The following ARHGAP26 variants were observed in gnomAD, a reference collection of about 807,000 sequenced individuals.
ARHGAP26 encodes Rho GTPase activating protein 26.
Under a neutral mutation model 104.8 loss-of-function variants are expected in ARHGAP26, and 38 were observed. The observed-to-expected ratio is 0.36, with a 90% confidence interval of 0.28 to 0.48. ARHGAP26 has a LOEUF of 0.48. Ranked by LOEUF, ARHGAP26 falls within the 20% of genes least tolerant of loss-of-function variation. The pLI, the probability that ARHGAP26 is intolerant of heterozygous loss-of-function variation, is 0.99. For missense variants in ARHGAP26, 704 were observed against 947.9 expected, an observed-to-expected ratio of 0.74 and a Z score of 3.38; for synonymous variants, 341 against 340.0, an observed-to-expected ratio of 1.00 and a Z score of -0.03.
chr5:143,170,919 A>G (rs756264893), intron 20 of ARHGAP26, among the ~76,000 whole-genome samples: 1 of 152,190 alleles, frequency 6.6e-6, no homozygotes, highest in Non-Finnish European at 1.5e-5. Context: ...TCGTTCAAGT[A>G]TCAGATGCTG....
intron 12 of ARHGAP26, 73 bp downstream of exon 12, chr5:143,014,189 G>A: frequency 1.9e-6 from 3 of 1,556,800 alleles, no homozygotes; most frequent in African/African-American, 1.4e-5. Flanking sequence ...TACTCCAGGT[G>A]TGAACCACCA....
intron 21 of ARHGAP26, among the ~76,000 whole-genome samples, chr5:143,211,514 C>G (rs776469906): frequency 1.3e-5 from 2 of 151,822 alleles, no homozygotes; most frequent in Non-Finnish European, 1.5e-5. Flanking sequence ...TGTCAGTTGC[C>G]TATCAACTTG....
intron 12 of ARHGAP26, among the ~76,000 whole-genome samples, chr5:143,030,378 T>C (rs1448887440): frequency 6.6e-6 from 1 of 152,234 alleles, no homozygotes; most frequent in South Asian, 2.1e-4. Flanking sequence ...ATGATGATAA[T>C]GCCTTGATGG....
At chr5:142,889,794 C>CA (rs1481872046) in intron 5 of ARHGAP26, among the ~76,000 whole-genome samples, 1 of 151,728 alleles carries the variant, frequency 6.6e-6, no homozygotes, top group Non-Finnish European at 1.5e-5. Flanking sequence ...GAGTGTGTCG[C>CA]AAAATCACAG....
At chr5:142,831,336 A>C (rs1169864502) in intron 1 of ARHGAP26, among the ~76,000 whole-genome samples, 4 of 149,756 alleles carry the variant, frequency 2.7e-5, no homozygotes, top group African/African-American at 9.9e-5. Context: ...ATTTTCTCCC[A>C]CCCCCTGGCC....
At chr5:143,137,593 A>G (rs535707584) in intron 19 of ARHGAP26, among the ~76,000 whole-genome samples, 1 of 152,232 alleles carries the variant, frequency 6.6e-6, no homozygotes, top group South Asian at 2.1e-4. Context: ...CCCTGCGATC[A>G]TTTTCAGAAC....
At chr5:142,901,597 C>T (rs985277238) in intron 6 of ARHGAP26, among the ~76,000 whole-genome samples, 1 of 152,222 alleles carries the variant, frequency 6.6e-6, no homozygotes, top group South Asian at 2.1e-4. Context: ...GTGAGGCCCA[C>T]AGGGCAAGGG....
intron 1 of ARHGAP26, among the ~76,000 whole-genome samples, chr5:142,812,754 T>C (rs994449373): frequency 1.3e-5 from 2 of 151,998 alleles, no homozygotes; most frequent in Admixed American, 6.6e-5. Flanking sequence ...CCCATGTTGG[T>C]CTTAAACTCC....
intron 1 of ARHGAP26, among the ~76,000 whole-genome samples, chr5:142,782,259 C>A (rs1757667606): frequency 6.6e-6 from 1 of 152,152 alleles, no homozygotes; most frequent in African/African-American, 2.4e-5. Context: ...GAGACACCCA[C>A]AAGGCTGTGG....
intron 14 of ARHGAP26, among the ~76,000 whole-genome samples, chr5:143,044,029 G>A (rs1328824387): frequency 1.3e-5 from 2 of 152,178 alleles, no homozygotes; most frequent in African/African-American, 2.4e-5. Context: ...GAATAGCTAA[G>A]GTGGTCTTTT....
chr5:143,078,807 A>G (rs866625678), intron 17 of ARHGAP26, among the ~76,000 whole-genome samples: 1 of 152,248 alleles, frequency 6.6e-6, no homozygotes, highest in Non-Finnish European at 1.5e-5. Flanking sequence ...GGAAAAATCA[A>G]CTTTAGAGAC....
intron 2 of ARHGAP26, among the ~76,000 whole-genome samples, chr5:142,874,121 G>A (rs27958): frequency 0.3 from 45,307 of 151,912 alleles, 7,348 homozygotes; most frequent in South Asian, 0.58. Flanking sequence ...GGAGGTCCCC[G>A]CCACTCCTGT....
intron 11 of ARHGAP26, among the ~76,000 whole-genome samples, chr5:142,995,062 C>G (rs929245783): frequency 2.0e-5 from 3 of 152,138 alleles, no homozygotes; most frequent in Admixed American, 2.0e-4. Context: ...AATAAAAACC[C>G]TAGAAGAAAA....
intron 10 of ARHGAP26, among the ~76,000 whole-genome samples, chr5:142,915,929 C>T (rs17208999): frequency 0.026 from 3,994 of 151,862 alleles, 72 homozygotes; most frequent in South Asian, 0.055. Flanking sequence ...CCTGTACTTT[C>T]CTTTTTCACC....
At chr5:142,804,826 A>G (rs1381602384) in intron 1 of ARHGAP26, among the ~76,000 whole-genome samples, 1 of 152,004 alleles carries the variant, frequency 6.6e-6, no homozygotes, top group Non-Finnish European at 1.5e-5. Context: ...TTTTATTCAG[A>G]AAAATTTCCT....
At chr5:143,220,697 C>T (rs1396626998) in intron 22 of ARHGAP26, among the ~76,000 whole-genome samples, 1 of 152,174 alleles carries the variant, frequency 6.6e-6, no homozygotes, top group Non-Finnish European at 1.5e-5. Context: ...AGTATCCTTG[C>T]TGTTTATTCC....
chr5:142,938,349 G>T lies in ARHGAP26; in HGVS notation c.1107+6224G>T, dbSNP rs188311473. 3.0e-4 allele frequency among the ~76,000 whole-genome samples: 45 copies of T among 152,222 alleles called. 1 individual carries two copies. In the East Asian group the frequency reaches 4.8e-3, roughly 16 times the overall value. On this transcript the variant is annotated intron_variant, in intron 11 of 22. Transcript: ENST00000645722. ...GTTAAATCTGGGTTGACAAACAATA[G>T]GGTCACTGTTGCAACTCCATAAGCT...
At chr5:142,980,508 C>A (rs1216763716) in intron 11 of ARHGAP26, among the ~76,000 whole-genome samples, 3 of 152,004 alleles carry the variant, frequency 2.0e-5, no homozygotes, top group Non-Finnish European at 2.9e-5. Flanking sequence ...CCTACCTCAG[C>A]CTCCTGAGTG....
rs986721633 is a variant in ARHGAP26, at chr5:143,067,826, T to C, written c.1538+10079T>C. On this transcript the variant is annotated intron_variant, in intron 17 of 22. Transcript: ENST00000645722. ...CTCAAAAATCAGTTTGTATATTAGT[T>C]CTTTGGCTGTAAGCAACAGATGTCA... is the stretch of plus-strand genomic sequence containing the variant. 3.3e-5 allele frequency among the ~76,000 whole-genome samples: 5 copies of C among 152,288 alleles called. 1 individual carries two copies. In the South Asian group the frequency reaches 6.2e-4, roughly 19 times the overall value.
Sources: gnomAD v4.1 joint callset for allele counts (sites outside exome capture counted in the v4.1 genomes callset) on GRCh38, gnomAD v4.1.1 for gene constraint, MANE v1.5 for transcripts, NCBI Gene and HGNC (gene_info 2026-07-23, HGNC 2026-07-21) for gene names.